The following HRH2 variants were observed in gnomAD, a reference collection of about 807,000 sequenced individuals.
HRH2 encodes histamine receptor H2.
A neutral mutation model predicts 20.1 loss-of-function variants in HRH2; 4 were observed. The ratio of observed to expected loss-of-function variants is 0.20; its 90% confidence interval spans 0.10 to 0.45. The LOEUF (loss-of-function observed/expected upper bound fraction) is 0.45, where lower values mean the gene tolerates loss of function less well. Among genes scored for constraint, HRH2 ranks in the 20% least tolerant of loss-of-function variants. The pLI, the probability that HRH2 is intolerant of heterozygous loss-of-function variation, is 0.99. For missense variants in HRH2, 250 were observed against 461.6 expected (o/e 0.54, Z 4.20); for synonymous variants, 197 against 200.7 (o/e 0.98, Z 0.16).
At position 175,685,680 on chromosome 5, in the gene HRH2, T is replaced by C; in HGVS notation, c.1076+1371T>C. On this transcript the variant is annotated intron_variant, in intron 2 of 2. Transcript: ENST00000636584. Reference sequence around the variant, plus strand: ...CTCAGGCCTCAGTTTCCTCATCGCATAGAGAGTTGGTCTTCCCTCACCGGG... The same window carrying C: ...CTCAGGCCTCAGTTTCCTCATCGCACAGAGAGTTGGTCTTCCCTCACCGGG... The C allele has an allele frequency of 4.8e-6, 3 of 620,198 alleles. No homozygotes were observed. In the South Asian group the frequency reaches 5.9e-5, roughly 12 times the overall value. The allele number at this position is 620,198 out of a possible 1,614,324, so 38.4% of individuals were successfully genotyped here.
At chr5:175,697,894 C>T (rs1756657147) in intron 2 of HRH2, among the ~76,000 whole-genome samples, 1 of 152,210 alleles carries the variant, frequency 6.6e-6, no homozygotes, top group African/African-American at 2.4e-5. Context: ...AGAGCCTTGT[C>T]CACCTCCCCA....
rs1295750982 is a variant in HRH2 at position 175,677,814 on chromosome 5, TG to T, written c.-525-4894del. On this transcript the variant is annotated intron_variant, in intron 1 of 2. Coordinates refer to ENST00000636584, the MANE Select transcript of HRH2 (RefSeq NM_001367711.1). This position sits in a 1 kb window ranked among gnomAD's most constrained non-coding sequence, Gnocchi z 4.2. ...CCCCAGCTGCCACACCCTCGAATCC[TG>T]ATCTGCAGCAGGAGGTCAGGGACCC... Among the ~76,000 whole-genome samples, 1 of 152,328 alleles carries T rather than the reference TG, an allele frequency of 6.6e-6. No homozygotes were observed. Among genetic ancestry groups the T allele is most frequent in the Non-Finnish European group, 1.5e-5 (1 of 68,026 alleles).
rs933650974 is a variant in HRH2 at position 175,687,921 on chromosome 5, G to A, written c.1076+3612G>A. Among the ~76,000 whole-genome samples the A allele has an allele frequency of 3.3e-5, 5 of 152,176 alleles. No individual in the cohort carries two copies. The highest frequency in any genetic ancestry group is 9.7e-5 in the African/African-American group (4 of 41,442). ...GGCCAAACACAACACACGTTATTCC[G>A]TTGCAGTTCAGGAGGCCAGATGTCT... On this transcript the variant is annotated intron_variant, in intron 2 of 2. Transcript: ENST00000636584. This position sits in a 1 kb window ranked among gnomAD's most constrained non-coding sequence, Gnocchi z 5.2.
intron 1 of HRH2, among the ~76,000 whole-genome samples, chr5:175,676,235 G>A (rs1035526966): frequency 6.6e-5 from 10 of 152,362 alleles, no homozygotes; most frequent in Non-Finnish European, 1.0e-4. Flanking sequence ...TAACATTAAC[G>A]GGGTTTTCCA....
intron 1 of HRH2, among the ~76,000 whole-genome samples, chr5:175,668,861 G>A (rs539484212): frequency 6.6e-6 from 1 of 152,280 alleles, no homozygotes; most frequent in South Asian, 2.1e-4. Flanking sequence ...AGGGGAGAGG[G>A]GAGCTCCCCA....
chr5:175,685,538 GA>G (rs1354020085), intron 2 of HRH2: 1 of 1,467,648 alleles, frequency 6.8e-7, no homozygotes, highest in Admixed American at 2.0e-5. Flanking sequence ...GAATACTGGG[GA>G]TGTAGAAATG....
intron 1 of HRH2, among the ~76,000 whole-genome samples, chr5:175,666,147 T>C (rs1010817433): frequency 1.3e-5 from 2 of 152,118 alleles, no homozygotes; most frequent in Non-Finnish European, 2.9e-5. Context: ...CCTGAGGCCC[T>C]GGGATCTGAG....
chr5:175,660,958 G>C (rs996574118), intron 1 of HRH2, among the ~76,000 whole-genome samples: 3 of 152,156 alleles, frequency 2.0e-5, no homozygotes, highest in African/African-American at 7.2e-5. Flanking sequence ...CAAGACCAAA[G>C]TCCTTAGACT....
At position 175,698,048 on chromosome 5, in the gene HRH2, G is replaced by A. The variant is rs1042755340; in HGVS notation, c.1077-9731G>A. ...AGGCAACACACCCATGCACACTCAGGCACTGGAGCGCACACACGCTCTTGC... is the reference window on the plus strand; with the variant it reads ...AGGCAACACACCCATGCACACTCAGACACTGGAGCGCACACACGCTCTTGC... On this transcript the variant is annotated intron_variant, in intron 2 of 2. Transcript: ENST00000636584. 2.6e-5 allele frequency among the ~76,000 whole-genome samples: 4 copies of A among 152,248 alleles called. No homozygotes were observed. The East Asian group carries it at 7.7e-4, about 29-fold the overall frequency.
At chr5:175,664,247 C>A (rs1230436810) in intron 1 of HRH2, among the ~76,000 whole-genome samples, 1 of 152,170 alleles carries the variant, frequency 6.6e-6, no homozygotes, top group Non-Finnish European at 1.5e-5. Flanking sequence ...AATGATCTAA[C>A]AGCCAAAGCC....
At chr5:175,682,260 C>G (rs950683425) in intron 1 of HRH2, among the ~76,000 whole-genome samples, 2 of 152,220 alleles carry the variant, frequency 1.3e-5, no homozygotes, top group Admixed American at 6.5e-5. Context: ...AACAGCAGCA[C>G]CAGATATGGT....
intron 1 of HRH2, among the ~76,000 whole-genome samples, chr5:175,676,679 A>G (rs1045025469): frequency 1.3e-5 from 2 of 152,228 alleles, no homozygotes; most frequent in African/African-American, 4.8e-5. Context: ...TATCATATCT[A>G]TCACCCAAAT....
At chr5:175,682,367 C>T (rs1448598588) in intron 1 of HRH2, among the ~76,000 whole-genome samples, 1 of 152,192 alleles carries the variant, frequency 6.6e-6, no homozygotes, top group Non-Finnish European at 1.5e-5. Flanking sequence ...TCTGTGGGGC[C>T]AGGCACCAGG....
intron 2 of HRH2, among the ~76,000 whole-genome samples, chr5:175,692,535 A>C (rs936090240): frequency 3.9e-5 from 6 of 152,224 alleles, no homozygotes; most frequent in African/African-American, 1.4e-4. Context: ...TTAGGATAAG[A>C]TTTAGCACCG....
Position 175,695,224 on chromosome 5 carries a change from G to A in HRH2, c.1076+10915G>A, listed in dbSNP as rs146086083. 2.0e-3 allele frequency among the ~76,000 whole-genome samples: 304 copies of A among 152,204 alleles called. 2 individuals carry two copies. Among genetic ancestry groups the A allele is most frequent in the African/African-American group, 6.8e-3 (284 of 41,506 alleles). On this transcript the variant is annotated intron_variant, in intron 2 of 2. Transcript: ENST00000636584. ...TGCTGACCATCGCCGCCCTGGTAAC[G>A]GTTGAGGCTGGTAGAGTCAGACTTC...
At chr5:175,680,662 G>T (rs114128132) in intron 1 of HRH2, among the ~76,000 whole-genome samples, 3 of 152,206 alleles carry the variant, frequency 2.0e-5, no homozygotes, top group African/African-American at 4.8e-5. Flanking sequence ...AGGGGATGAC[G>T]TGGCCCTCTA....
At chr5:175,676,383 G>A (rs562545220) in intron 1 of HRH2, among the ~76,000 whole-genome samples, 1 of 152,208 alleles carries the variant, frequency 6.6e-6, no homozygotes, top group Non-Finnish European at 1.5e-5. Context: ...AAGCTCCAGT[G>A]TCCCAGTTCC....
In HRH2 at chr5:175,708,169, C is replaced by G. The variant is rs1757003245; in HGVS notation, c.*198C>G. On this transcript the variant is annotated 3_prime_UTR_variant, in exon 3 of 3. Transcript: ENST00000636584. ...TCTGTGCTCAGCATTCCCAGACAGG[C>G]ACGCAAGACTCCTCTGGGCCCGAGT... 1 of 388,688 alleles carries G rather than the reference C, an allele frequency of 2.6e-6. No individual in the cohort carries two copies. Among genetic ancestry groups the G allele is most frequent in the African/African-American group, 2.1e-5 (1 of 48,428 alleles). The allele number at this position is 388,688 out of a possible 1,614,324, so 24.1% of individuals were successfully genotyped here. A position where few individuals can be genotyped will look rare whatever the true frequency, so the allele number is the denominator to read the frequency against.
In HRH2 at chr5:175,710,725, C is replaced by G. The variant is rs2113573965; in HGVS notation, c.*2754C>G. The G allele has an allele frequency of 6.6e-6, 1 of 152,344 alleles. No individual in the cohort carries two copies. The highest frequency in any genetic ancestry group is 2.4e-5 in the African/African-American group (1 of 41,584). 9.4% of individuals were successfully genotyped at this position (152,344 alleles called of 1,614,324 possible). The stretch of plus-strand genomic sequence containing the variant: ...GGACCCCAAATCCATGTTTGTGTTA[C>G]CATCGTGTTCCAATAAAACTATCGA... On this transcript the variant is annotated 3_prime_UTR_variant, in exon 3 of 3. Coordinates refer to ENST00000636584, the MANE Select transcript of HRH2 (RefSeq NM_001367711.1).
Sources: gnomAD v4.1 joint callset for allele counts (sites outside exome capture counted in the v4.1 genomes callset) on GRCh38, gnomAD v4.1.1 for gene constraint, Gnocchi (gnomAD v3.1) non-coding constraint, MANE v1.5 for transcripts, NCBI Gene and HGNC (gene_info 2026-07-23, HGNC 2026-07-21) for gene names.